Variants in ROBO1 observed in about 807,000 individuals in gnomAD.
ROBO1 encodes roundabout homolog 1.
In ROBO1, 149 loss-of-function variants were observed where a neutral mutation model predicts 195.9. The ratio of observed to expected loss-of-function variants is 0.76; its 90% CI spans 0.67 to 0.87. ROBO1 has a LOEUF of 0.87. Ranked by LOEUF, ROBO1 falls within the 40% of genes least tolerant of loss-of-function variation. The pLI is 0.00. For synonymous variants in ROBO1, 816 were observed against 733.2 expected (o/e 1.11, Z -1.82); for missense variants, 1,933 against 2,068.3 (o/e 0.93, Z 1.27).
intron 3 of ROBO1, among the ~76,000 whole-genome samples, chr3:79,114,518 T>A (rs1012857221): frequency 1.3e-5 from 2 of 152,206 alleles, no homozygotes; most frequent in Non-Finnish European, 2.9e-5. Flanking sequence ...ATCATCCTGG[T>A]CAGCTTTTTT....
At position 79,767,798 on chromosome 3, in the gene ROBO1, A is replaced by C. The variant is rs535715475; in HGVS notation, c.-97T>G. ...GCAATCTAGAGGCTCCGTAGTGCAG[A>C]CGCAGCCCTGCAACTTTGCTGTGCA... On this transcript the variant is annotated 5_prime_UTR_variant, in exon 1 of 31. Transcript: ENST00000464233. The C allele has an allele frequency of 6.6e-6, 1 of 152,184 alleles. No homozygotes were observed. Among genetic ancestry groups the C allele is most frequent in the Non-Finnish European group, 1.5e-5 (1 of 68,052 alleles). The allele number at this position is 152,184 out of a possible 1,614,324, so 9.4% of individuals were successfully genotyped here. A position where few individuals can be genotyped will look rare whatever the true frequency, so the allele number is the denominator to read the frequency against.
At chr3:79,471,564 G>A (rs1559923150) in intron 2 of ROBO1, among the ~76,000 whole-genome samples, 2 of 151,924 alleles carry the variant, frequency 1.3e-5, no homozygotes, top group Non-Finnish European at 2.9e-5. Flanking sequence ...CAAACTGGAG[G>A]TTTGTTATTA....
At chr3:78,951,439 C>T (rs908104869) in intron 3 of ROBO1, among the ~76,000 whole-genome samples, 1 of 151,858 alleles carries the variant, frequency 6.6e-6, no homozygotes, top group South Asian at 2.1e-4. Flanking sequence ...AATTTCTATC[C>T]CAATTGGCAG....
intron 3 of ROBO1, among the ~76,000 whole-genome samples, chr3:78,988,789 A>G (rs899856095): frequency 3.3e-5 from 5 of 152,168 alleles, no homozygotes; most frequent in Non-Finnish European, 5.9e-5. Context: ...CAAACCAAAT[A>G]AAGGAAACAT....
At chr3:79,002,761 T>C (rs1046222491) in intron 3 of ROBO1, among the ~76,000 whole-genome samples, 1 of 152,104 alleles carries the variant, frequency 6.6e-6, no homozygotes, top group Non-Finnish European at 1.5e-5. Context: ...ACTTAATTAG[T>C]AGAGAAGGAA....
intron 10 of ROBO1, among the ~76,000 whole-genome samples, chr3:78,675,354 C>A (rs540662848): frequency 1.8e-4 from 28 of 152,242 alleles, no homozygotes; most frequent in African/African-American, 6.7e-4. Context: ...CGAGCCGAAG[C>A]AGGGCGAGGC....
intron 5 of ROBO1, among the ~76,000 whole-genome samples, chr3:78,732,416 C>T (rs918927939): frequency 6.6e-6 from 1 of 152,026 alleles, no homozygotes; most frequent in Non-Finnish European, 1.5e-5. Context: ...AGAAAAAAAA[C>T]AATGTGTATG....
intron 2 of ROBO1, among the ~76,000 whole-genome samples, chr3:79,192,818 C>A (rs1216029856): frequency 1.3e-5 from 2 of 151,582 alleles, no homozygotes; most frequent in African/African-American, 4.8e-5. Context: ...ACCAAGTTAT[C>A]TACACTTTGA....
intron 1 of ROBO1, among the ~76,000 whole-genome samples, chr3:79,653,177 G>C (rs1227897636): frequency 2.0e-5 from 3 of 151,438 alleles, no homozygotes; most frequent in African/African-American, 7.3e-5. Flanking sequence ...TTATAAATGT[G>C]TCTATATCTT....
chr3:79,497,370 T>G (rs1463581605), intron 2 of ROBO1, among the ~76,000 whole-genome samples: 1 of 152,222 alleles, frequency 6.6e-6, no homozygotes, highest in Non-Finnish European at 1.5e-5. Context: ...TATTTATACT[T>G]TAAAACACAT....
intron 3 of ROBO1, among the ~76,000 whole-genome samples, chr3:79,105,851 G>A (rs2079768926): frequency 6.6e-6 from 1 of 151,716 alleles, no homozygotes; most frequent in South Asian, 2.1e-4. Flanking sequence ...TGGTGTTTAT[G>A]AAGCTCCTGC....
At chr3:78,755,534 T>C (rs2082908035) in intron 4 of ROBO1, among the ~76,000 whole-genome samples, 1 of 152,110 alleles carries the variant, frequency 6.6e-6, no homozygotes, top group African/African-American at 2.4e-5. Flanking sequence ...CTGAAGTAAT[T>C]ACAGGTAAAA....
intron 3 of ROBO1, among the ~76,000 whole-genome samples, chr3:79,098,820 T>C (rs1053033910): frequency 2.0e-5 from 3 of 151,826 alleles, no homozygotes; most frequent in African/African-American, 7.2e-5. Context: ...TTCTGTATCA[T>C]ACTTTTTCAT....
intron 2 of ROBO1, among the ~76,000 whole-genome samples, chr3:79,227,938 A>G (rs1475625736): frequency 2.6e-5 from 4 of 152,164 alleles, no homozygotes; most frequent in African/African-American, 7.2e-5. Context: ...ATGTTCAATA[A>G]TTGTTCATTT....
At chr3:78,765,611 G>A (rs2083210490) in intron 4 of ROBO1, among the ~76,000 whole-genome samples, 1 of 152,066 alleles carries the variant, frequency 6.6e-6, no homozygotes, top group Non-Finnish European at 1.5e-5. Flanking sequence ...GATTATTATG[G>A]TGAGCACTAA....
At chr3:79,180,055 C>T (rs148159985) in intron 2 of ROBO1, among the ~76,000 whole-genome samples, 1 of 152,134 alleles carries the variant, frequency 6.6e-6, no homozygotes, top group African/African-American at 2.4e-5. Flanking sequence ...TCTCAATTTA[C>T]CCACTGCCTT....
intron 2 of ROBO1, among the ~76,000 whole-genome samples, chr3:79,174,707 C>CAA (rs11323133): frequency 6.3e-5 from 9 of 143,458 alleles, no homozygotes; most frequent in Non-Finnish European, 1.2e-4. Flanking sequence ...ACTAAAAATA[C>CAA]AAAAAAAAAA....
chr3:79,084,484 C>T (rs527538365), intron 3 of ROBO1, among the ~76,000 whole-genome samples: 22 of 152,028 alleles, frequency 1.4e-4, no homozygotes, highest in African/African-American at 3.9e-4. Flanking sequence ...GCAACAAGAG[C>T]GAAACTCCAT....
intron 28 of ROBO1, among the ~76,000 whole-genome samples, chr3:78,612,458 G>A (rs972400852): frequency 1.3e-5 from 2 of 152,080 alleles, no homozygotes; most frequent in Non-Finnish European, 2.9e-5. Flanking sequence ...AAAATGCAGT[G>A]TAGTACTTTG....
Sources: gnomAD v4.1 joint callset for allele counts (sites outside exome capture counted in the v4.1 genomes callset) on GRCh38, gnomAD v4.1.1 for gene constraint, MANE v1.5 for transcripts, NCBI Gene and HGNC (gene_info 2026-07-23, HGNC 2026-07-21) for gene names.